SLC9A1: variants seen among roughly 807,000 people sequenced by gnomAD.
The protein encoded by SLC9A1 is solute carrier family 9 member A1.
Under a neutral mutation model 67.9 loss-of-function variants are expected in SLC9A1, and 22 were observed. That is an observed-to-expected ratio of 0.32 (90% CI 0.23 to 0.46). The LOEUF (loss-of-function observed/expected upper bound fraction) is 0.46. Ranked by LOEUF, SLC9A1 falls within the 20% of genes least tolerant of loss-of-function variation. The pLI, the probability that SLC9A1 is intolerant of heterozygous loss-of-function variation, is 1.00. For missense variants in SLC9A1, 686 were observed against 1,094.8 expected, an observed-to-expected ratio of 0.63 and a Z score of 5.27; for synonymous variants, 421 against 471.8, an observed-to-expected ratio of 0.89 and a Z score of 1.40.
intron 1 of SLC9A1, among the ~76,000 whole-genome samples, chr1:27,138,878 G>A (rs987130331): frequency 1.3e-5 from 2 of 152,152 alleles, no homozygotes; most frequent in Non-Finnish European, 2.9e-5. Context: ...TGGTTTACAG[G>A]TCTCAAAGCT....
chr1:27,128,683 C>T (rs575290541), intron 1 of SLC9A1, among the ~76,000 whole-genome samples: 10 of 149,270 alleles, frequency 6.7e-5, no homozygotes, highest in South Asian at 6.4e-4. Context: ...AAAGGCCAGG[C>T]GTGGTGGCTC....
At chr1:27,112,650 G>A (rs1387476685) in intron 2 of SLC9A1, among the ~76,000 whole-genome samples, 2 of 152,156 alleles carry the variant, frequency 1.3e-5, no homozygotes, top group African/African-American at 4.8e-5. Flanking sequence ...TTGGGAGGCT[G>A]AGGTGGGCGG....
At chr1:27,103,404 T>C in intron 5 of SLC9A1, 92 bp from the exon 6 acceptor site, 3 of 875,396 alleles carry the variant, frequency 3.4e-6, no homozygotes, top group Non-Finnish European at 5.9e-6. Context: ...CCCCCAAGGC[T>C]AGGATGCCCT....
intron 1 of SLC9A1, among the ~76,000 whole-genome samples, chr1:27,119,682 C>G (rs1184741563): frequency 6.6e-6 from 1 of 152,232 alleles, no homozygotes; most frequent in East Asian, 1.9e-4. Context: ...AAAGGTTAAG[C>G]AACTTGATCA....
chr1:27,128,447 G>C (rs2083360699), intron 1 of SLC9A1, among the ~76,000 whole-genome samples: 1 of 152,124 alleles, frequency 6.6e-6, no homozygotes, highest in Non-Finnish European at 1.5e-5. Context: ...CTTGAGCCCA[G>C]GAGTTTGAGA....
rs2083126405 is a variant in SLC9A1 at position 27,099,816 on chromosome 1, C to G, written c.*491G>C. On this transcript the variant is annotated 3_prime_UTR_variant, in exon 12 of 12. Transcript: ENST00000263980. ...AGAGCTGGCAGGAGGAGTGTGAGAC[C>G]TTGGTGGGTCAGCAGTCCCTCCCCC... 2 of 154,976 alleles carry G rather than the reference C, an allele frequency of 1.3e-5. No individual in the cohort carries two copies. Among genetic ancestry groups the G allele is most frequent in the Non-Finnish European group, 2.9e-5 (2 of 69,944 alleles). 9.6% of individuals were successfully genotyped at this position (154,976 alleles called of 1,614,324 possible). A position where few individuals can be genotyped will look rare whatever the true frequency, so the allele number is the denominator to read the frequency against.
intron 1 of SLC9A1, among the ~76,000 whole-genome samples, chr1:27,146,773 CTG>C (rs1162383785): frequency 6.6e-6 from 1 of 152,100 alleles, no homozygotes; most frequent in Non-Finnish European, 1.5e-5. Context: ...GAGCGAAATC[CTG>C]TCTCAAAAAT....
chr1:27,113,972 C>T lies in SLC9A1; in HGVS notation c.667G>A (p.Gly223Ser), dbSNP rs777917202. Residue 223 changes from glycine (G) to serine (S), a missense_variant, in exon 2 of 12, where the codon GGC becomes AGC. By Grantham distance (56) the Gly-to-Ser change is moderately conservative. Coordinates refer to ENST00000263980, the MANE Select transcript of SLC9A1 (RefSeq NM_003047.5). ...LVGGEQINNI[G>S]LLDNLLFGSI... ...CCGAAGAGCAGGTTGTCCAGGAGGCCGATGTTGTTGATCTGCTCACCGCCC... is the reference window on the plus strand; with the variant it reads ...CCGAAGAGCAGGTTGTCCAGGAGGCTGATGTTGTTGATCTGCTCACCGCCC... The T allele has an allele frequency of 3.1e-6, 5 of 1,614,194 alleles. No individual in the cohort carries two copies. The highest frequency in any genetic ancestry group is 4.2e-6 in the Non-Finnish European group (5 of 1,180,054).
intron 6 of SLC9A1, 139 bp from the exon 7 acceptor site, chr1:27,102,882 C>A: frequency 1.3e-6 from 1 of 744,526 alleles, no homozygotes; most frequent in South Asian, 1.6e-5. Flanking sequence ...CAGGAGGTGG[C>A]GCCCACACTC....
intron 2 of SLC9A1, among the ~76,000 whole-genome samples, chr1:27,111,536 C>G (rs1241721533): frequency 6.6e-6 from 1 of 152,162 alleles, no homozygotes; most frequent in Non-Finnish European, 1.5e-5. Context: ...TGGCTCACGC[C>G]TGTAATCTCA....
chr1:27,153,736 G>A (rs6696950), intron 1 of SLC9A1, among the ~76,000 whole-genome samples: 47,179 of 152,126 alleles, frequency 0.31, 7,712 homozygotes, highest in Non-Finnish European at 0.36. Context: ...TAGGATCAGA[G>A]GCATCCCATT....
chr1:27,111,343 A>C (rs76067547), intron 2 of SLC9A1, among the ~76,000 whole-genome samples: 3,692 of 152,306 alleles, frequency 0.024, 57 homozygotes, highest in Non-Finnish European at 0.038. Context: ...ACAGAGTAAC[A>C]CAGTGGTAAG....
At chr1:27,115,841 G>C (rs1467927518) in intron 1 of SLC9A1, among the ~76,000 whole-genome samples, 1 of 152,078 alleles carries the variant, frequency 6.6e-6, no homozygotes, top group African/African-American at 2.4e-5. Flanking sequence ...ATACACCCAG[G>C]GCTAGGACAC....
In SLC9A1 at chr1:27,100,974, G is replaced by T. The variant is rs1235059978; in HGVS notation, c.2110+229C>A. 1.3e-5 allele frequency among the ~76,000 whole-genome samples: 2 copies of T among 152,202 alleles called. No homozygotes were observed. The highest frequency in any genetic ancestry group is 2.9e-5 in the Non-Finnish European group (2 of 68,026). On this transcript the variant is annotated intron_variant, in intron 11 of 11. Coordinates refer to ENST00000263980, the MANE Select transcript of SLC9A1 (RefSeq NM_003047.5). The surrounding 1 kb of genome is among the most constrained non-coding windows in gnomAD (Gnocchi z 5.6). ...GATGGGGCAGATACCCTGCCTTCCT[G>T]CCAGGCACCGTGGCTCTCCCAGCTC...
rs116013408 is a variant in SLC9A1, at chr1:27,149,645, G to C, written c.352+4338C>G. Among the ~76,000 whole-genome samples the C allele has an allele frequency of 3.4e-3, 523 of 152,336 alleles. 1 individual carries two copies. The highest frequency in any genetic ancestry group is 0.012 in the African/African-American group (495 of 41,580). ...GCACGGCCCTGAAAGTTACTACAGT[G>C]AGCTGGGCACTCTACCAGGCATTCC... On this transcript the variant is annotated intron_variant, in intron 1 of 11. Coordinates refer to ENST00000263980, the MANE Select transcript of SLC9A1 (RefSeq NM_003047.5).
At position 27,102,376 on chromosome 1, in the gene SLC9A1, A is replaced by G. The variant is rs753487446; in HGVS notation, c.1820+9T>C. 12 of 1,580,470 alleles carry G rather than the reference A, an allele frequency of 7.6e-6. No individual in the cohort carries two copies. The highest frequency in any genetic ancestry group is 8.6e-6 in the Non-Finnish European group (10 of 1,158,160). On this transcript the variant is annotated intron_variant, in intron 8 of 11. Transcript: ENST00000263980. Reference sequence around the variant, plus strand: ...GGAGCAGAAGCTGCCTGGTTGCCCCAGCACTCACTGCATGGAGACGGTGGA... The same window carrying G: ...GGAGCAGAAGCTGCCTGGTTGCCCCGGCACTCACTGCATGGAGACGGTGGA...
chr1:27,155,115 G>T lies in SLC9A1; in HGVS notation c.-781C>A, dbSNP rs1054354252. 6.6e-6 allele frequency among the ~76,000 whole-genome samples: 1 copy of T among 152,068 alleles called. No individual in the cohort carries two copies. On this transcript the variant is annotated 5_prime_UTR_variant, in exon 1 of 12. Transcript: ENST00000263980. The surrounding 1 kb of genome is among the most constrained non-coding windows in gnomAD (Gnocchi z 4.5). ...AACTAACCCTAGCCCCGGCCCCGGC[G>T]GCAGCAGACTGAAGCCTAGCTGAGC...
At position 27,100,744 on chromosome 1, in the gene SLC9A1, A is replaced by G. The variant is rs985201169; in HGVS notation, c.2111-100T>C. On this transcript the variant is annotated intron_variant, in intron 11 of 11. Coordinates refer to ENST00000263980, the MANE Select transcript of SLC9A1 (RefSeq NM_003047.5). The surrounding 1 kb of genome is among the most constrained non-coding windows in gnomAD (Gnocchi z 5.6). ...AGTGCCTCCTTCAGGCCTTCTCATGAGCACAGCCGTCCCGGTCCCAACAGG... is the reference window on the plus strand; with the variant it reads ...AGTGCCTCCTTCAGGCCTTCTCATGGGCACAGCCGTCCCGGTCCCAACAGG... The G allele has an allele frequency of 3.2e-6, 3 of 942,740 alleles. No individual in the cohort carries two copies. Among genetic ancestry groups the G allele is most frequent in the African/African-American group, 3.3e-5 (2 of 60,874 alleles). 58.4% of individuals were successfully genotyped at this position (942,740 alleles called of 1,614,324 possible). A position where few individuals can be genotyped will look rare whatever the true frequency, so the allele number is the denominator to read the frequency against.
chr1:27,106,992 C>T lies in SLC9A1; in HGVS notation c.1282+656G>A, dbSNP rs1328897985. ...ACAGGCTTCTCCCTGCTGAAGGGCC[C>T]ATCATGGAAATGGGAAGTCCCTCCT... On this transcript the variant is annotated intron_variant, in intron 4 of 11. Transcript: ENST00000263980. The surrounding 1 kb of genome is among the most constrained non-coding windows in gnomAD (Gnocchi z 4.3). Among the ~76,000 whole-genome samples the T allele has an allele frequency of 6.6e-6, 1 of 151,686 alleles. No homozygotes were observed. Among genetic ancestry groups the T allele is most frequent in the Admixed American group, 6.6e-5 (1 of 15,242 alleles).
Sources: gnomAD v4.1 joint callset for allele counts (sites outside exome capture counted in the v4.1 genomes callset) on GRCh38, gnomAD v4.1.1 for gene constraint, Gnocchi (gnomAD v3.1) non-coding constraint, MANE v1.5 for transcripts, NCBI Gene and HGNC (gene_info 2026-07-23, HGNC 2026-07-21) for gene names.